The following RAB19 variants were observed in gnomAD, a reference collection of about 807,000 sequenced individuals.
RAB19 encodes the protein ras-related protein Rab-19.
In RAB19, 21 loss-of-function variants were observed where a neutral mutation model predicts 17.3. That is an observed-to-expected ratio of 1.21 (90% CI 0.86 to 1.74). The LOEUF is 1.74. RAB19 is among the 40% of genes most tolerant of loss of function. The pLI is 0.00. For missense variants in RAB19, 277 were observed against 286.8 expected (o/e 0.97, Z 0.25); for synonymous variants, 126 against 110.4 (o/e 1.14, Z -0.88).
At chr7:140,412,761 T>C (rs891920297) in intron 3 of RAB19, among the ~76,000 whole-genome samples, 1 of 151,384 alleles carries the variant, frequency 6.6e-6, no homozygotes, top group Non-Finnish European at 1.5e-5. Flanking sequence ...TATCTATTTA[T>C]TGGGTACAGT....
intron 3 of RAB19, among the ~76,000 whole-genome samples, chr7:140,418,283 G>GGTTCACACCTGTAGTCCTAGCAC (rs1799495348): frequency 6.6e-6 from 1 of 151,618 alleles, no homozygotes; most frequent in Non-Finnish European, 1.5e-5. Flanking sequence ...CAGGTGCAGT[G>GGTTCACACCTGTAGTCCTAGCAC]GTTCACACCT....
chr7:140,417,161 A>C lies in RAB19; in HGVS notation c.385+5104A>C, dbSNP rs542568141. Among the ~76,000 whole-genome samples the C allele has an allele frequency of 3.3e-5, 5 of 150,266 alleles. No homozygotes were observed. The East Asian group carries it at 7.9e-4, about 24-fold the overall frequency. ...TGAGGCACAAGAATCACTTGAACCTAGGAGGCAGAGGCTGCAGTGAGCCGA... is the reference window on the plus strand; with the variant it reads ...TGAGGCACAAGAATCACTTGAACCTCGGAGGCAGAGGCTGCAGTGAGCCGA... On this transcript the variant is annotated intron_variant, in intron 3 of 3. Transcript: ENST00000537763.
chr7:140,404,962 A>T (rs186984052), intron 1 of RAB19, among the ~76,000 whole-genome samples: 1 of 152,336 alleles, frequency 6.6e-6, no homozygotes, highest in Non-Finnish European at 1.5e-5. Flanking sequence ...TCAATCCCAC[A>T]GAAGTGAGAG....
intron 3 of RAB19, among the ~76,000 whole-genome samples, chr7:140,418,006 C>T (rs74412764): frequency 0.051 from 7,698 of 152,224 alleles, 283 homozygotes; most frequent in Admixed American, 0.11. Flanking sequence ...AGCCTGGTCT[C>T]CATGGGCCCC....
chr7:140,406,395 T>G (rs1268502220), intron 1 of RAB19, among the ~76,000 whole-genome samples: 1 of 152,048 alleles, frequency 6.6e-6, no homozygotes, highest in Non-Finnish European at 1.5e-5. Context: ...ATCCCAGCAC[T>G]TTGGGAGACT....
In RAB19 at chr7:140,426,795, C is replaced by T. The variant is rs1435429749; in HGVS notation, c.*645C>T. On this transcript the variant is annotated 3_prime_UTR_variant, in exon 4 of 4. Coordinates refer to ENST00000537763, the MANE Select transcript of RAB19 (RefSeq NM_001008749.3). ...TCTATTCTAGCAGGGCTGACTTGGC[C>T]ACCCTCTTGGGATAGGGGAAGACAC... Among the ~76,000 whole-genome samples the T allele has an allele frequency of 6.6e-6, 1 of 151,814 alleles. No homozygotes were observed. The highest frequency in any genetic ancestry group is 1.5e-5 in the Non-Finnish European group (1 of 67,980).
chr7:140,421,183 G>T (rs1053687031), intron 3 of RAB19, among the ~76,000 whole-genome samples: 2 of 151,780 alleles, frequency 1.3e-5, no homozygotes, highest in African/African-American at 4.8e-5. Flanking sequence ...GAGCCACCAC[G>T]CCTGGCCTTT....
chr7:140,421,298 C>A (rs984796302), intron 3 of RAB19, among the ~76,000 whole-genome samples: 1 of 152,212 alleles, frequency 6.6e-6, no homozygotes, highest in South Asian at 2.1e-4. Flanking sequence ...CTGAAGCAAT[C>A]CTCCTGCCTC....
chr7:140,422,835 C>T (rs1259549393), intron 3 of RAB19, among the ~76,000 whole-genome samples: 2 of 152,088 alleles, frequency 1.3e-5, no homozygotes, highest in Non-Finnish European at 2.9e-5. Context: ...AGGCCAGGCA[C>T]CGTGGCTCAC....
rs572198586 is a variant in RAB19 at position 140,425,852 on chromosome 7, A to G, written c.386-30A>G. The G allele has an allele frequency of 1.4e-4, 216 of 1,580,584 alleles. 4 individuals are homozygous for G. The South Asian group carries it at 2.3e-3, about 17-fold the overall frequency. ...GAAAGAAACCAGATTAAGTTACTCA[A>G]TGGAATATCGGCTTATCTTTTCCTT... On this transcript the variant is annotated intron_variant, in intron 3 of 3. Coordinates refer to ENST00000537763, the MANE Select transcript of RAB19 (RefSeq NM_001008749.3).
chr7:140,412,190 A>G (rs888290197), intron 3 of RAB19, 133 bp downstream of exon 3: 20 of 939,530 alleles, frequency 2.1e-5, no homozygotes, highest in Non-Finnish European at 2.6e-5. Flanking sequence ...AGTGGCTCAC[A>G]CCTGTAATCC....
intron 1 of RAB19, among the ~76,000 whole-genome samples, chr7:140,407,243 T>G (rs1308686737): frequency 6.6e-6 from 1 of 152,168 alleles, no homozygotes; most frequent in African/African-American, 2.4e-5. Context: ...TTGACACTAG[T>G]GGGACCTCCA....
intron 3 of RAB19, among the ~76,000 whole-genome samples, chr7:140,424,428 A>G (rs1376596872): frequency 1.3e-5 from 2 of 152,060 alleles, no homozygotes; most frequent in Non-Finnish European, 2.9e-5. Flanking sequence ...AAGTGCAGGG[A>G]TTACAGGCAT....
Position 140,407,763 on chromosome 7 carries a change from T to C in RAB19, c.117T>C (p.Ser39=), listed in dbSNP as rs1585412893. The change falls in exon 2 of 4, where the codon TCT becomes TCC. Residue 39 remains serine (S), a synonymous_variant. Coordinates refer to ENST00000537763, the MANE Select transcript of RAB19 (RefSeq NM_001008749.3). ...GKTCVVQHFK[S]GVYTETQQNT... is the part of the protein sequence containing the mutation. The stretch of plus-strand genomic sequence containing the variant: ...CGTGTGTGGTGCAGCATTTCAAGTC[T>C]GGAGTCTACACTGAGACACAGCAGA... The C allele has an allele frequency of 6.2e-7, 1 of 1,613,946 alleles. No homozygotes were observed. The highest frequency in any genetic ancestry group is 8.5e-7 in the Non-Finnish European group (1 of 1,179,978).
At chr7:140,412,775 T>C (rs1222145961) in intron 3 of RAB19, among the ~76,000 whole-genome samples, 2 of 151,302 alleles carry the variant, frequency 1.3e-5, no homozygotes, top group Non-Finnish European at 2.9e-5. Flanking sequence ...GTACAGTGGG[T>C]TCTTAAAAAG....
intron 2 of RAB19, chr7:140,410,988 A>C: frequency 7.3e-7 from 1 of 1,367,840 alleles, no homozygotes; most frequent in Non-Finnish European, 9.8e-7. Context: ...TTCGGCCAGT[A>C]TTATCACCTT....
intron 2 of RAB19, among the ~76,000 whole-genome samples, chr7:140,410,313 C>CTTTTTTTTTTTTT (rs762151021): frequency 1.2e-5 from 1 of 81,038 alleles, no homozygotes; most frequent in Non-Finnish European, 2.1e-5. Flanking sequence ...TTGTATTTTT[C>CTTTTTTTTTTTTT]TTTTTTTTTT....
intron 1 of RAB19, among the ~76,000 whole-genome samples, chr7:140,405,694 A>G (rs189819287): frequency 6.6e-6 from 1 of 151,632 alleles, no homozygotes; most frequent in Admixed American, 6.6e-5. Flanking sequence ...AACATATTTT[A>G]AAGTTAAAAA....
chr7:140,427,452 CTTT>C lies in RAB19; in HGVS notation c.*1316_*1318del, dbSNP rs35384452. Among the ~76,000 whole-genome samples, 14 of 121,646 alleles carry C rather than the reference CTTT, an allele frequency of 1.2e-4. No individual in the cohort carries two copies. Among genetic ancestry groups the C allele is most frequent in the Admixed American group, 1.7e-4 (2 of 11,514 alleles). The allele number at this position is 121,646 out of a possible 152,430, so 79.8% of individuals were successfully genotyped here. A position where few individuals can be genotyped will look rare whatever the true frequency, so the allele number is the denominator to read the frequency against. On this transcript the variant is annotated 3_prime_UTR_variant, in exon 4 of 4. Coordinates refer to ENST00000537763, the MANE Select transcript of RAB19 (RefSeq NM_001008749.3). ...CAGGCATGAGCCACCATGCCCGGCCCTTTTTTTTTTTTTTTTGAGACAGAGTTT... is the reference window on the plus strand; with the variant it reads ...CAGGCATGAGCCACCATGCCCGGCCCTTTTTTTTTTTTTGAGACAGAGTTT...
Sources: allele counts gnomAD v4.1 joint callset (sites outside exome capture counted in the v4.1 genomes callset), GRCh38; gene constraint gnomAD v4.1.1; transcripts MANE v1.5; gene names NCBI Gene and HGNC (gene_info 2026-07-23, HGNC 2026-07-21).